PTPRD: variants seen among roughly 807,000 people sequenced by gnomAD.
PTPRD encodes the protein protein tyrosine phosphatase receptor type D.
Under a neutral mutation model 214.5 loss-of-function variants are expected in PTPRD, and 34 were observed. The observed-to-expected ratio is 0.16, with a 90% CI of 0.12 to 0.21. PTPRD has a LOEUF of 0.21. PTPRD is among the 10% of genes least tolerant of loss of function. PTPRD has a pLI of 1.00. For synonymous variants in PTPRD, 1,128 were observed against 845.7 expected (o/e 1.33, Z -5.79); for missense variants, 2,545 against 2,398.7 (o/e 1.06, Z -1.27).
intron 10 of PTPRD, among the ~76,000 whole-genome samples, chr9:9,148,246 C>A (rs943414437): frequency 1.3e-5 from 2 of 152,176 alleles, no homozygotes; most frequent in South Asian, 4.2e-4. Flanking sequence ...GAAATTACTT[C>A]AAAGTAGCTT....
chr9:9,650,594 T>C (rs1261454666), intron 7 of PTPRD, among the ~76,000 whole-genome samples: 1 of 152,100 alleles, frequency 6.6e-6, no homozygotes, highest in African/African-American at 2.4e-5. Flanking sequence ...TATGGACACC[T>C]AGAGGGGAAC....
At chr9:9,887,837 G>A (rs750128121) in intron 5 of PTPRD, among the ~76,000 whole-genome samples, 13 of 151,994 alleles carry the variant, frequency 8.6e-5, no homozygotes, top group African/African-American at 2.4e-4. Flanking sequence ...CAGCTGACAC[G>A]TATTTATGGA....
intron 14 of PTPRD, among the ~76,000 whole-genome samples, chr9:8,622,433 G>C (rs1044699168): frequency 6.6e-6 from 1 of 151,976 alleles, no homozygotes; most frequent in Admixed American, 6.6e-5. Flanking sequence ...CTTACGGCAA[G>C]TACTAGCTTG....
At chr9:8,400,074 T>C (rs2092117645) in intron 36 of PTPRD, among the ~76,000 whole-genome samples, 1 of 152,216 alleles carries the variant, frequency 6.6e-6, no homozygotes, top group Non-Finnish European at 1.5e-5. Context: ...TTTTGCTTTA[T>C]ATTTAGACTT....
At chr9:9,248,582 T>G (rs568195114) in intron 9 of PTPRD, among the ~76,000 whole-genome samples, 1 of 152,094 alleles carries the variant, frequency 6.6e-6, no homozygotes, top group Non-Finnish European at 1.5e-5. Context: ...TGTTTATATG[T>G]CATCTCTGAT....
chr9:9,525,374 T>C (rs1415317073), intron 8 of PTPRD, among the ~76,000 whole-genome samples: 1 of 152,200 alleles, frequency 6.6e-6, no homozygotes, highest in African/African-American at 2.4e-5. Flanking sequence ...TATTGTATAT[T>C]GCTAATCTTC....
chr9:8,417,745 A>G (rs1359006800), intron 35 of PTPRD, among the ~76,000 whole-genome samples: 1 of 152,156 alleles, frequency 6.6e-6, no homozygotes, highest in Non-Finnish European at 1.5e-5. Flanking sequence ...CTGCCAGTGA[A>G]AGAGGCATAT....
intron 7 of PTPRD, among the ~76,000 whole-genome samples, chr9:9,639,308 T>C (rs1230447367): frequency 6.6e-6 from 1 of 152,176 alleles, no homozygotes; most frequent in Non-Finnish European, 1.5e-5. Context: ...CATTTTATAG[T>C]TTGTGTTTAT....
At chr9:9,197,956 C>T (rs567061916) in intron 9 of PTPRD, among the ~76,000 whole-genome samples, 5 of 152,284 alleles carry the variant, frequency 3.3e-5, no homozygotes, top group African/African-American at 9.6e-5. Flanking sequence ...CTTTTTGACA[C>T]TGGAGTCTCT....
chr9:8,340,231 G>C, intron 42 of PTPRD, 112 bp downstream of exon 42: 1 of 1,248,012 alleles, frequency 8.0e-7, no homozygotes, highest in Non-Finnish European at 1.1e-6. Context: ...TATGTCCAGA[G>C]TGCACTGCAT....
chr9:8,776,315 T>G (rs1231966462), intron 11 of PTPRD, among the ~76,000 whole-genome samples: 4 of 152,142 alleles, frequency 2.6e-5, no homozygotes, highest in African/African-American at 9.7e-5. Context: ...TTTGTTTTTA[T>G]TTTTGAGACA....
intron 3 of PTPRD, among the ~76,000 whole-genome samples, chr9:10,090,315 C>G (rs1258258964): frequency 6.6e-6 from 1 of 151,504 alleles, no homozygotes; most frequent in Non-Finnish European, 1.5e-5. Flanking sequence ...GCCAGACTAG[C>G]TTATTCACCA....
At chr9:8,532,872 T>C (rs976990965) in intron 14 of PTPRD, among the ~76,000 whole-genome samples, 6 of 152,072 alleles carry the variant, frequency 3.9e-5, no homozygotes, top group African/African-American at 1.2e-4. Flanking sequence ...TAATGAAATA[T>C]GCTGATACAA....
chr9:10,170,191 T>C (rs1291365189), intron 3 of PTPRD, among the ~76,000 whole-genome samples: 1 of 152,198 alleles, frequency 6.6e-6, no homozygotes. Flanking sequence ...GCTCAGAATC[T>C]GATCCTGAGC....
intron 7 of PTPRD, among the ~76,000 whole-genome samples, chr9:9,658,671 C>A (rs147500137): frequency 6.6e-6 from 1 of 152,212 alleles, no homozygotes; most frequent in East Asian, 1.9e-4. Flanking sequence ...CTGAAAAATG[C>A]CACCATTCAA....
chr9:8,339,233 C>G (rs3765143), intron 42 of PTPRD, among the ~76,000 whole-genome samples, 186 bp from the exon 43 acceptor site: 79,006 of 151,986 alleles, frequency 0.52, 21,198 homozygotes, highest in Non-Finnish European at 0.59. Flanking sequence ...ATAGGGAAAC[C>G]CTTTGGTTCA....
chr9:10,413,804 G>C (rs541842036), intron 2 of PTPRD, among the ~76,000 whole-genome samples: 2 of 151,822 alleles, frequency 1.3e-5, no homozygotes, highest in Admixed American at 6.6e-5. Flanking sequence ...ACATAAGGCT[G>C]TTCACCTATG....
intron 36 of PTPRD, among the ~76,000 whole-genome samples, chr9:8,395,952 T>C (rs541006654): frequency 2.0e-5 from 3 of 152,178 alleles, no homozygotes; most frequent in East Asian, 3.9e-4. Context: ...TAAAATACAG[T>C]AGACCTTAGG....
At chr9:9,709,573 C>T (rs1207961562) in intron 7 of PTPRD, among the ~76,000 whole-genome samples, 1 of 152,012 alleles carries the variant, frequency 6.6e-6, no homozygotes, top group Non-Finnish European at 1.5e-5. Flanking sequence ...AGCAATCTAT[C>T]TTAATACATA....
Sources: allele counts gnomAD v4.1 joint callset (sites outside exome capture counted in the v4.1 genomes callset), GRCh38; gene constraint gnomAD v4.1.1; transcripts MANE v1.5; gene names NCBI Gene and HGNC (gene_info 2026-07-23, HGNC 2026-07-21).